The following COL4A3 variants were observed in gnomAD, a reference collection of about 807,000 sequenced individuals.
The protein encoded by COL4A3 is collagen alpha-3(IV) chain.
Under a neutral mutation model 217.4 loss-of-function variants are expected in COL4A3, and 135 were observed. The ratio of observed to expected loss-of-function variants is 0.62; its 90% confidence interval spans 0.54 to 0.72. COL4A3 has a LOEUF of 0.72. Among genes scored for constraint, COL4A3 ranks in the 30% least tolerant of loss-of-function variants. COL4A3 has a pLI of 0.00. For missense variants in COL4A3, 1,868 were observed against 2,119.9 expected (o/e 0.88, Z 2.33); for synonymous variants, 690 against 736.3 (o/e 0.94, Z 1.02).
chr2:227,170,596 T>A (rs1012214528), intron 1 of COL4A3, among the ~76,000 whole-genome samples: 3 of 150,744 alleles, frequency 2.0e-5, no homozygotes, highest in African/African-American at 7.3e-5. Context: ...TCCCACCGAG[T>A]CCCTCCCACA....
chr2:227,279,099 C>T (rs1321497609), intron 28 of COL4A3, among the ~76,000 whole-genome samples: 1 of 140,328 alleles, frequency 7.1e-6, no homozygotes, highest in Non-Finnish European at 1.5e-5. Context: ...TTTTTTGAGA[C>T]AAAGTTTCGC....
At position 227,259,847 on chromosome 2, in the gene COL4A3, C is replaced by T. The variant is rs767943108; in HGVS notation, c.1084C>T (p.Pro362Ser). ...GGGAGATGAAGGCACTCCAGGCCCACCAGGGCCCAGAGGAGCTCGTGGCCC... is the reference window on the plus strand; with the variant it reads ...GGGAGATGAAGGCACTCCAGGCCCATCAGGGCCCAGAGGAGCTCGTGGCCC... ...EKGDEGTPGP[P>S]GPRGARGPQG... The change falls in exon 19 of 52, where the codon CCA becomes TCA. Residue 362 changes from proline to serine, a missense_variant. This residue lies in a region of COL4A3 where 1,503 missense variants were observed against 1,786.1 expected (regional missense o/e 0.84). Coordinates refer to ENST00000396578, the MANE Select transcript of COL4A3 (RefSeq NM_000091.5). The T allele has an allele frequency of 6.2e-6, 10 of 1,613,604 alleles. No homozygotes were observed. Among genetic ancestry groups the T allele is most frequent in the Non-Finnish European group, 8.5e-6 (10 of 1,179,516 alleles).
chr2:227,280,990 A>G lies in COL4A3; in HGVS notation c.2472A>G (p.Gly824=). ...CCCAAGGACTTCCAGGCTTAAATGG[A>G]TTGAAAGGGCAACAAGGTAGGAGGA... The part of the protein sequence containing the change: ...RGAQGLPGLN[G]LKGQQGRRGK... The change falls in exon 31 of 52, where the codon GGA becomes GGG. Residue 824 remains glycine (G), a synonymous_variant. Transcript: ENST00000396578. The G allele has an allele frequency of 6.4e-7, 1 of 1,562,182 alleles. No homozygotes were observed. The highest frequency in any genetic ancestry group is 1.2e-5 in the South Asian group (1 of 84,526).
intron 1 of COL4A3, among the ~76,000 whole-genome samples, chr2:227,200,640 T>G (rs2125734038): frequency 6.6e-6 from 1 of 152,344 alleles, no homozygotes; most frequent in Non-Finnish European, 1.5e-5. Context: ...TCTTCAGCAG[T>G]ACAAGCAGGG....
chr2:227,295,198 A>G (rs2072975563), intron 40 of COL4A3, 71 bp from the exon 41 acceptor site: 1 of 1,557,102 alleles, frequency 6.4e-7, no homozygotes, highest in Non-Finnish European at 8.9e-7. Context: ...GGTGTGTACT[A>G]AACTTTTCTC....
rs7592926 is a variant in COL4A3, at chr2:227,289,077, C to T, written c.2882-73C>T. On this transcript the variant is annotated intron_variant, in intron 34 of 51. Coordinates refer to ENST00000396578, the MANE Select transcript of COL4A3 (RefSeq NM_000091.5). ...GTGATTTTCCTGCCTCAGCCTCCCA[C>T]GTAGCTGGGATTACAGGCACCTGCC... 0.024 allele frequency: 26,957 copies of T among 1,140,092 alleles called. 1,260 individuals are homozygous for T. The highest frequency in any genetic ancestry group is 0.17 in the African/African-American group (11,214 of 65,054). The allele number at this position is 1,140,092 out of a possible 1,614,324, so 70.6% of individuals were successfully genotyped here.
rs775168660 is a variant in COL4A3, at chr2:227,311,791, C to T, written c.4934C>T (p.Pro1645Leu). The T allele has an allele frequency of 1.9e-6, 3 of 1,613,654 alleles. No individual in the cohort carries two copies. The highest frequency in any genetic ancestry group is 2.5e-6 in the Non-Finnish European group (3 of 1,179,902). The change falls in exon 52 of 52, where the codon CCT becomes CTT. Residue 1645 changes from proline (P) to leucine (L), a missense_variant. By Grantham distance (98) the Pro-to-Leu change is moderately conservative. Coordinates refer to ENST00000396578, the MANE Select transcript of COL4A3 (RefSeq NM_000091.5). ...SLNPERMFRKPIPSTVKAGEL... is the reference protein window; with the variant it reads ...SLNPERMFRKLIPSTVKAGEL... ...TTGGTTTGTTTTTATTTCAGAAAGC[C>T]TATTCCATCAACTGTGAAAGCTGGG...
chr2:227,198,111 G>C (rs190266874), intron 1 of COL4A3, among the ~76,000 whole-genome samples: 42 of 152,308 alleles, frequency 2.8e-4, no homozygotes, highest in African/African-American at 9.4e-4. Context: ...CCAGCTTGTT[G>C]CTCTAAGGAC....
intron 25 of COL4A3, 72 bp from the exon 26 acceptor site, chr2:227,272,877 T>C: frequency 6.8e-7 from 1 of 1,469,504 alleles, no homozygotes; most frequent in Non-Finnish European, 9.5e-7. Flanking sequence ...TATTCATATT[T>C]GGAGGATGAT....
intron 38 of COL4A3, chr2:227,294,091 T>C (rs1231657690): frequency 7.0e-6 from 2 of 287,646 alleles, no homozygotes; most frequent in Admixed American, 1.0e-4. Flanking sequence ...TTCTGGCTTA[T>C]TAGCTTACAA....
chr2:227,183,246 T>G (rs896014431), intron 1 of COL4A3, among the ~76,000 whole-genome samples: 1 of 152,192 alleles, frequency 6.6e-6, no homozygotes, highest in Non-Finnish European at 1.5e-5. Flanking sequence ...ATGGCCACCA[T>G]AGCAAACCAT....
At chr2:227,166,342 G>C (rs112749240) in intron 1 of COL4A3, among the ~76,000 whole-genome samples, 66 of 152,276 alleles carry the variant, frequency 4.3e-4, no homozygotes, top group African/African-American at 1.6e-3. Context: ...GCTTTAACCA[G>C]GACAAATAAA....
At chr2:227,264,337 C>A (rs968287284) in intron 21 of COL4A3, among the ~76,000 whole-genome samples, 1 of 152,028 alleles carries the variant, frequency 6.6e-6, no homozygotes, top group African/African-American at 2.4e-5. Flanking sequence ...AGATTTCCCC[C>A]CAAGAGAGGA....
Position 227,266,462 on chromosome 2 carries a change from C to G in COL4A3, c.1361C>G (p.Pro454Arg). ...RKGPPGDHGL[P>R]GYLGSPGIPG... is the part of the protein sequence containing the mutation. ...GGTCCACCTGGAGATCACGGACTGC[C>G]AGGCTATCTAGGGTCTCCAGGAATC... Residue 454 changes from proline (P) to arginine (R), a missense_variant, in exon 22 of 52, where the codon CCA (proline) becomes CGA (arginine). Pro to Arg is a moderately radical substitution (Grantham distance 103). Coordinates refer to ENST00000396578, the MANE Select transcript of COL4A3 (RefSeq NM_000091.5). 7.4e-6 allele frequency: 12 copies of G among 1,614,086 alleles called. No individual in the cohort carries two copies. The highest frequency in any genetic ancestry group is 1.0e-5 in the Non-Finnish European group (12 of 1,179,988).
chr2:227,259,127 A>G (rs1259207392), intron 18 of COL4A3: 1 of 151,972 alleles, frequency 6.6e-6, no homozygotes, highest in Admixed American at 6.6e-5. Flanking sequence ...TCTTCACTGT[A>G]TATTTTCTTA....
intron 5 of COL4A3, 161 bp from the exon 6 acceptor site, chr2:227,245,793 G>C: frequency 1.4e-6 from 1 of 695,670 alleles, no homozygotes; most frequent in Non-Finnish European, 2.7e-6. Flanking sequence ...TTAGTTTGTT[G>C]CTACTGAAAT....
chr2:227,171,491 A>T (rs577414620), intron 1 of COL4A3, among the ~76,000 whole-genome samples: 1 of 152,046 alleles, frequency 6.6e-6, no homozygotes, highest in East Asian at 1.9e-4. Flanking sequence ...ACTGACGTGT[A>T]TGATGGAACA....
intron 1 of COL4A3, among the ~76,000 whole-genome samples, chr2:227,165,519 AATTG>A (rs1310686233): frequency 2.0e-5 from 3 of 152,188 alleles, no homozygotes; most frequent in African/African-American, 4.8e-5. Context: ...ATTAAATAGA[AATTG>A]ATTGTCCTCA....
chr2:227,249,275 G>A (rs11888629), intron 9 of COL4A3, among the ~76,000 whole-genome samples: 2,934 of 90,278 alleles, frequency 0.032, 121 homozygotes, highest in African/African-American at 0.097. Flanking sequence ...TGGCTCTGTC[G>A]CCCAGGCTGG....
Sources: gnomAD v4.1 joint callset for allele counts (sites outside exome capture counted in the v4.1 genomes callset) on GRCh38, gnomAD v4.1.1 for gene constraint, gnomAD v4.1.1 regional missense constraint, MANE v1.5 for transcripts, NCBI Gene and HGNC (gene_info 2026-07-23, HGNC 2026-07-21) for gene names.